Variants in NAB1 observed in about 807,000 individuals in gnomAD.
NAB1 encodes NGFI-A binding protein 1, also known as NGFI-A-binding protein 1.
A neutral mutation model predicts 49.9 loss-of-function variants in NAB1; 25 were observed. The observed-to-expected ratio is 0.50, with a 90% CI of 0.37 to 0.70. The LOEUF (loss-of-function observed/expected upper bound fraction) is 0.70, where lower values mean the gene tolerates loss of function less well. Ranked by LOEUF, NAB1 falls within the 30% of genes least tolerant of loss-of-function variation. The probability of loss-of-function intolerance (pLI) is 0.00; values close to 1 mark genes in which losing one functional copy is unlikely to be tolerated. For missense variants in NAB1, 489 were observed against 575.9 expected (o/e 0.85, Z 1.54); for synonymous variants, 198 against 215.6 (o/e 0.92, Z 0.71).
At chr2:190,690,011 T>TCTATACATATATGTATA (rs746804067) in intron 9 of NAB1, among the ~76,000 whole-genome samples, 1 of 1,700 alleles carries the variant, frequency 5.9e-4, no homozygotes, top group Admixed American at 5.0e-3. Flanking sequence ...GATGTATACA[T>TCTATACATATATGTATA]CTATACATAT....
In NAB1 at chr2:190,667,022, A is replaced by G. The variant is rs193277785; in HGVS notation, c.820-3304A>G. On this transcript the variant is annotated intron_variant, in intron 4 of 9. Transcript: ENST00000337386. This position sits in a 1 kb window ranked among gnomAD's most constrained non-coding sequence, Gnocchi z 4.4. ...ATGAAATCTAGGTAACTCTGACAGA[A>G]CACGTGTTTTTAAGGGAGAGGCTTC... is the stretch of plus-strand genomic sequence containing the variant. Among the ~76,000 whole-genome samples the G allele has an allele frequency of 2.6e-4, 40 of 152,272 alleles. No homozygotes were observed. The highest frequency in any genetic ancestry group is 2.3e-3 in the South Asian group (11 of 4,820).
chr2:190,664,589 T>C, intron 4 of NAB1, among the ~76,000 whole-genome samples: 2 of 38,458 alleles, frequency 5.2e-5, no homozygotes, highest in African/African-American at 2.5e-4. Flanking sequence ...TTCTTTCCTT[T>C]TTTTTTTTTT....
rs1247098662 is a variant in NAB1 at position 190,692,488 on chromosome 2, TATACATTAAAGCAAATA to T, written c.*2159_*2175del. 1 of 152,680 alleles carries T rather than the reference TATACATTAAAGCAAATA, an allele frequency of 6.5e-6. No homozygotes were observed. Among genetic ancestry groups the T allele is most frequent in the Non-Finnish European group, 1.5e-5 (1 of 68,044 alleles). 9.5% of individuals were successfully genotyped at this position (152,680 alleles called of 1,614,324 possible). ...GTAAACACTAATGTATTAAACTTGC[TATACATTAAAGCAAATA>T]ATATATATTTTTATTTGAATTGTAT... On this transcript the variant is annotated 3_prime_UTR_variant, in exon 10 of 10. Transcript: ENST00000337386. This position sits in a 1 kb window ranked among gnomAD's most constrained non-coding sequence, Gnocchi z 5.2.
chr2:190,664,612 TTTGTA>T (rs1694410254), intron 4 of NAB1, among the ~76,000 whole-genome samples: 2 of 119,816 alleles, frequency 1.7e-5, no homozygotes, highest in South Asian at 2.7e-4. Flanking sequence ...TTTTTTTTTT[TTTGTA>T]GGGACAGGGT....
At chr2:190,673,336 A>G in intron 6 of NAB1, 184 bp downstream of exon 6, 1 of 627,434 alleles carries the variant, frequency 1.6e-6, no homozygotes, top group Non-Finnish European at 2.8e-6. Context: ...AGTAATTTGA[A>G]TTAGCAGACC....
Position 190,649,095 on chromosome 2 carries a change from C to CGT in NAB1, c.-598_-597insTG, listed in dbSNP as rs1346488081. On this transcript the variant is annotated 5_prime_UTR_variant, in exon 1 of 10. Coordinates refer to ENST00000337386, the MANE Select transcript of NAB1 (RefSeq NM_005966.4). This position sits in a 1 kb window ranked among gnomAD's most constrained non-coding sequence, Gnocchi z 6.1. ...AGGCGCTGCCGCCGCCGCCGCCGCC[C>CGT]GCGCGCCGCAGCCTGGAGGAGCCGC... 7.5e-6 allele frequency: 1 copy of CGT among 134,036 alleles called. No individual in the cohort carries two copies. Among genetic ancestry groups the CGT allele is most frequent in the Non-Finnish European group, 1.6e-5 (1 of 61,302 alleles). The allele number at this position is 134,036 out of a possible 1,614,324, so 8.3% of individuals were successfully genotyped here.
Position 190,669,612 on chromosome 2 carries a change from C to T in NAB1, c.820-714C>T, listed in dbSNP as rs1311614495. Among the ~76,000 whole-genome samples the T allele has an allele frequency of 1.3e-5, 2 of 152,108 alleles. No individual in the cohort carries two copies. The highest frequency in any genetic ancestry group is 2.9e-5 in the Non-Finnish European group (2 of 68,012). On this transcript the variant is annotated intron_variant, in intron 4 of 9. Transcript: ENST00000337386. This position sits in a 1 kb window ranked among gnomAD's most constrained non-coding sequence, Gnocchi z 4.3. The stretch of plus-strand genomic sequence containing the variant: ...AGTCTGATATACCTCTTGACAGTTT[C>T]CTATATCTATTGACAAAATTATGTG...
In NAB1 at chr2:190,684,689, C is replaced by A. The variant is rs1446205477; in HGVS notation, c.1096-787C>A. 6.6e-6 allele frequency among the ~76,000 whole-genome samples: 1 copy of A among 152,152 alleles called. No individual in the cohort carries two copies. Among genetic ancestry groups the A allele is most frequent in the Non-Finnish European group, 1.5e-5 (1 of 68,014 alleles). ...TATAGCAGCTTTCTTGTCCTACTCT[C>A]TTATATAGCATGGTAGTGATTCATA... On this transcript the variant is annotated intron_variant, in intron 7 of 9. Coordinates refer to ENST00000337386, the MANE Select transcript of NAB1 (RefSeq NM_005966.4). The surrounding 1 kb of genome is among the most constrained non-coding windows in gnomAD (Gnocchi z 4.6).
intron 2 of NAB1, among the ~76,000 whole-genome samples, chr2:190,655,756 G>T (rs1027260728): frequency 6.6e-6 from 1 of 152,158 alleles, no homozygotes; most frequent in Non-Finnish European, 1.5e-5. Flanking sequence ...GGAGTTGACC[G>T]GTAGTTTTGT....
chr2:190,659,191 A>C lies in NAB1; in HGVS notation c.15A>C (p.Leu5Phe), dbSNP rs1415259029. The change falls in exon 4 of 10, where the codon TTA becomes TTC. Residue 5 changes from leucine (L) to phenylalanine (F), a missense_variant. Physicochemically the swap from Leu to Phe is conservative, Grantham distance 22 (BLOSUM62 0). This residue lies in a region of NAB1 where 35 missense variants were observed against 85.6 expected (regional missense o/e 0.41). Coordinates refer to ENST00000337386, the MANE Select transcript of NAB1 (RefSeq NM_005966.4). This position sits in a 1 kb window ranked among gnomAD's most constrained non-coding sequence, Gnocchi z 6.2. ...CATCCAGAGTAATGGCTGCGGCCTT[A>C]CCCAGGACCCTGGGGGAGTTGCAGC... Reference protein sequence around the residue: MAAALPRTLGELQLY... With the variant: MAAAFPRTLGELQLY... The C allele has an allele frequency of 2.1e-5, 34 of 1,603,392 alleles. No individual in the cohort carries two copies. The highest frequency in any genetic ancestry group is 2.7e-5 in the Non-Finnish European group (32 of 1,176,782).
At chr2:190,655,785 G>C (rs1006652285) in intron 2 of NAB1, among the ~76,000 whole-genome samples, 192 bp from the exon 3 acceptor site, 2 of 152,170 alleles carry the variant, frequency 1.3e-5, no homozygotes, top group African/African-American at 4.8e-5. Flanking sequence ...CTAGCTCCCT[G>C]CTTCACTTAG....
Position 190,684,684 on chromosome 2 carries a change from A to G in NAB1, c.1096-792A>G, listed in dbSNP as rs1412982967. On this transcript the variant is annotated intron_variant, in intron 7 of 9. Coordinates refer to ENST00000337386, the MANE Select transcript of NAB1 (RefSeq NM_005966.4). This position sits in a 1 kb window ranked among gnomAD's most constrained non-coding sequence, Gnocchi z 4.6. ...TTTTATATAGCAGCTTTCTTGTCCT[A>G]CTCTCTTATATAGCATGGTAGTGAT... 6.6e-6 allele frequency among the ~76,000 whole-genome samples: 1 copy of G among 151,886 alleles called. No homozygotes were observed. Among genetic ancestry groups the G allele is most frequent in the South Asian group, 2.1e-4 (1 of 4,820 alleles).
At position 190,682,464 on chromosome 2, in the gene NAB1, A is replaced by G. The variant is rs1695397057; in HGVS notation, c.1006-1274A>G. Among the ~76,000 whole-genome samples the G allele has an allele frequency of 6.6e-6, 1 of 152,240 alleles. No homozygotes were observed. The highest frequency in any genetic ancestry group is 1.5e-5 in the Non-Finnish European group (1 of 68,044). On this transcript the variant is annotated intron_variant, in intron 6 of 9. Transcript: ENST00000337386. The surrounding 1 kb of genome is among the most constrained non-coding windows in gnomAD (Gnocchi z 4.1). The stretch of plus-strand genomic sequence containing the variant: ...GATAAAGGTGAAATCGCAAGCCAAC[A>G]TGAAGGAATCCTTGAGCAATTCAGG...
At chr2:190,683,957 C>T (rs1695483308) in intron 7 of NAB1, 130 bp downstream of exon 7, 1 of 704,244 alleles carries the variant, frequency 1.4e-6, no homozygotes. Context: ...TTTAAAACGT[C>T]ATCTGAGCCA....
chr2:190,690,295 A>T lies in NAB1; in HGVS notation c.1426A>T (p.Lys476Ter). Reference protein sequence around the residue: ...DYPHSAFTLEKKVIKTEPEDS... With the variant: ...DYPHSAFTLE ...CCCTCATTCAGCTTTTACCTTAGAA[A>T]AGAAAGTCATCAAAACAGAGCCTGA... Residue 476 changes from lysine to a stop codon, truncating the protein, a stop_gained, in exon 10 of 10, where the codon AAG becomes TAG. Coordinates refer to ENST00000337386, the MANE Select transcript of NAB1 (RefSeq NM_005966.4). LOFTEE classifies it high-confidence loss of function. The T allele has an allele frequency of 6.2e-7, 1 of 1,613,042 alleles. No individual in the cohort carries two copies. The highest frequency in any genetic ancestry group is 8.5e-7 in the Non-Finnish European group (1 of 1,179,424).
At position 190,686,095 on chromosome 2, in the gene NAB1, C is replaced by G. The variant is rs1234141839; in HGVS notation, c.1258+457C>G. On this transcript the variant is annotated intron_variant, in intron 8 of 9. Transcript: ENST00000337386. The surrounding 1 kb of genome is among the most constrained non-coding windows in gnomAD (Gnocchi z 5.5). ...CAGAGTACAGCTCAGGTTTAGAAAG[C>G]CATGTGATTCGTGAGTGTTTTTACC... Among the ~76,000 whole-genome samples the G allele has an allele frequency of 6.6e-6, 1 of 152,182 alleles. No individual in the cohort carries two copies. Among genetic ancestry groups the G allele is most frequent in the Non-Finnish European group, 1.5e-5 (1 of 68,040 alleles).
At chr2:190,660,024 T>TGTGTATGTG (rs750133029) in intron 4 of NAB1, 29 bp downstream of exon 4, 1 of 1,575,526 alleles carries the variant, frequency 6.3e-7, no homozygotes, top group Non-Finnish European at 8.7e-7. Context: ...TCCTTCTGTG[T>TGTGTATGTG]GTGTATGTGG....
chr2:190,651,235 A>C lies in NAB1; in HGVS notation c.-197+1253A>C, dbSNP rs1441247385. Among the ~76,000 whole-genome samples, 1 of 151,868 alleles carries C rather than the reference A, an allele frequency of 6.6e-6. No individual in the cohort carries two copies. Among genetic ancestry groups the C allele is most frequent in the Non-Finnish European group, 1.5e-5 (1 of 67,940 alleles). On this transcript the variant is annotated intron_variant, in intron 2 of 9. Transcript: ENST00000337386. This position sits in a 1 kb window ranked among gnomAD's most constrained non-coding sequence, Gnocchi z 4.3. ...CTAGTAAATAACTTGATCTATCTAA[A>C]AAATACTTTATCTCATCTTATTTCA... is the stretch of plus-strand genomic sequence containing the variant.
chr2:190,683,297 A>AT (rs767640681), intron 6 of NAB1, among the ~76,000 whole-genome samples: 1,524 of 76,108 alleles, frequency 0.02, 185 homozygotes, highest in African/African-American at 0.071. Flanking sequence ...CTCCCAGCTA[A>AT]TTTTTTTTTT....
Sources: gnomAD v4.1 joint callset for allele counts (sites outside exome capture counted in the v4.1 genomes callset) on GRCh38, gnomAD v4.1.1 for gene constraint, gnomAD v4.1.1 regional missense constraint, Gnocchi (gnomAD v3.1) non-coding constraint, MANE v1.5 for transcripts, NCBI Gene and HGNC (gene_info 2026-07-23, HGNC 2026-07-21) for gene names.